Variants in COG5 observed in about 807,000 individuals in gnomAD.
The protein encoded by COG5 is conserved oligomeric Golgi complex subunit 5.
COG5 carries 86 observed loss-of-function variants against 110.4 expected under a neutral mutation model. The ratio of observed to expected loss-of-function variants is 0.78; its 90% CI spans 0.65 to 0.93. The LOEUF is 0.93. Ranked by LOEUF, COG5 falls within the 40% of genes least tolerant of loss-of-function variation. The pLI is 0.00. For missense variants in COG5, 1,077 were observed against 987.0 expected (o/e 1.09, Z -1.22); for synonymous variants, 360 against 334.6 (o/e 1.08, Z -0.83).
chr7:107,246,187 T>G (rs1047019840), intron 17 of COG5, among the ~76,000 whole-genome samples: 1 of 152,206 alleles, frequency 6.6e-6, no homozygotes, highest in African/African-American at 2.4e-5. Flanking sequence ...ACTGGACCCC[T>G]TCCTTACACC....
Position 107,362,039 on chromosome 7 carries a change from T to A in COG5, c.1020A>T (p.Ile340=), listed in dbSNP as rs1169734629. 1 of 1,595,750 alleles carries A rather than the reference T, an allele frequency of 6.3e-7. No individual in the cohort carries two copies. Among genetic ancestry groups the A allele is most frequent in the African/African-American group, 1.3e-5 (1 of 74,742 alleles). The change falls in exon 10 of 22, where the codon ATA becomes ATT. Residue 340 remains isoleucine (I), a synonymous_variant. Coordinates refer to ENST00000297135, the MANE Select transcript of COG5 (RefSeq NM_006348.5). ...PVSHICFIEE[I]VKDGQPEIFY... is the part of the protein sequence containing the mutation. Reference sequence around the variant, plus strand: ...TATTTTCCTTTAAACATACCTTAACTATTTCTTCAATGAAACAAATGTGAG... The same window carrying A: ...TATTTTCCTTTAAACATACCTTAACAATTTCTTCAATGAAACAAATGTGAG...
At chr7:107,531,484 T>A (rs1407695592) in intron 5 of COG5, among the ~76,000 whole-genome samples, 1 of 152,104 alleles carries the variant, frequency 6.6e-6, no homozygotes, top group Non-Finnish European at 1.5e-5. Context: ...AATTTCTCTA[T>A]AAAAATAAAC....
intron 11 of COG5, among the ~76,000 whole-genome samples, chr7:107,311,779 A>C (rs974841447): frequency 4.9e-4 from 74 of 151,812 alleles, no homozygotes; most frequent in African/African-American, 1.5e-3. Flanking sequence ...CCTTACCTTT[A>C]GTGTTAATTA....
At chr7:107,517,605 G>T (rs1800018348) in intron 6 of COG5, among the ~76,000 whole-genome samples, 1 of 152,018 alleles carries the variant, frequency 6.6e-6, no homozygotes, top group African/African-American at 2.4e-5. Context: ...AAAAAGGTCA[G>T]GTCACCTAGA....
chr7:107,270,696 A>G (rs1278566008), intron 14 of COG5, among the ~76,000 whole-genome samples: 7 of 152,122 alleles, frequency 4.6e-5, no homozygotes, highest in Non-Finnish European at 8.8e-5. Flanking sequence ...TACTACATTT[A>G]GTTTCGGTAA....
chr7:107,279,671 T>C (rs1805010096), intron 14 of COG5, among the ~76,000 whole-genome samples: 1 of 152,118 alleles, frequency 6.6e-6, no homozygotes, highest in South Asian at 2.1e-4. Context: ...ATAAGGCATA[T>C]GATGTTTTTT....
chr7:107,244,625 A>G (rs1430737425), intron 17 of COG5, among the ~76,000 whole-genome samples: 1 of 152,114 alleles, frequency 6.6e-6, no homozygotes, highest in Non-Finnish European at 1.5e-5. Context: ...AGACATGAGG[A>G]AGAAAATGTT....
intron 6 of COG5, among the ~76,000 whole-genome samples, chr7:107,443,705 A>G (rs113800008): frequency 0.016 from 2,461 of 152,206 alleles, 67 homozygotes; most frequent in African/African-American, 0.057. Context: ...TTTATGGTGG[A>G]CTCAATCTCT....
intron 6 of COG5, among the ~76,000 whole-genome samples, chr7:107,466,665 G>A (rs1179489796): frequency 6.6e-6 from 1 of 152,168 alleles, no homozygotes; most frequent in African/African-American, 2.4e-5. Context: ...TAAAGTATTT[G>A]TTGTGAAAGA....
At chr7:107,478,391 A>G (rs1478546574) in intron 6 of COG5, among the ~76,000 whole-genome samples, 2 of 152,006 alleles carry the variant, frequency 1.3e-5, no homozygotes, top group Non-Finnish European at 2.9e-5. Context: ...TTTAACTAAA[A>G]TAACAGTAGT....
chr7:107,294,881 TTGTGTGTGTGTGTGTGTGTGTGTGTGTG>T (rs756358916), intron 12 of COG5, among the ~76,000 whole-genome samples: 4 of 94,276 alleles, frequency 4.2e-5, no homozygotes, highest in African/African-American at 4.6e-5. Context: ...ATGCCTGGAT[TTGTGTGTGTGTGTGTGTGTGTGTGTGTG>T]TGTGTGTGTG....
chr7:107,281,943 A>G (rs1171190854), intron 13 of COG5, among the ~76,000 whole-genome samples: 1 of 152,062 alleles, frequency 6.6e-6, no homozygotes, highest in Non-Finnish European at 1.5e-5. Flanking sequence ...TCGGATTCTT[A>G]AAGTATATTT....
In COG5 at chr7:107,474,483, T is replaced by C. The variant is rs765724107; in HGVS notation, c.538+52754A>G. On this transcript the variant is annotated intron_variant, in intron 6 of 21. Coordinates refer to ENST00000297135, the MANE Select transcript of COG5 (RefSeq NM_006348.5). This position sits in a 1 kb window ranked among gnomAD's most constrained non-coding sequence, Gnocchi z 5.7. Reference sequence around the variant, plus strand: ...TTTTTGCTATCACTTTGGACAGATATGACATCTCTGTAAAACCTGCAAACC... The same window carrying C: ...TTTTTGCTATCACTTTGGACAGATACGACATCTCTGTAAAACCTGCAAACC... 30 of 1,613,240 alleles carry C rather than the reference T, an allele frequency of 1.9e-5. No individual in the cohort carries two copies. Among genetic ancestry groups the C allele is most frequent in the Middle Eastern group, 1.6e-4 (1 of 6,084 alleles).
Position 107,558,936 on chromosome 7 carries a change from C to G in COG5, c.95-821G>C, listed in dbSNP as rs9640700. Among the ~76,000 whole-genome samples the G allele has an allele frequency of 1.1e-3, 42 of 37,264 alleles. 1 individual carries two copies. Among genetic ancestry groups the G allele is most frequent in the Non-Finnish European group, 2.0e-3 (33 of 16,646 alleles). 24.4% of individuals were successfully genotyped at this position (37,264 alleles called of 152,430 possible). On this transcript the variant is annotated intron_variant, in intron 1 of 21. Transcript: ENST00000297135. Reference sequence around the variant, plus strand: ...TCTCAAAAAAAAAAAAAAAAAAAAACCATAACTACTAGCTATAACTATTAA... The same window carrying G: ...TCTCAAAAAAAAAAAAAAAAAAAAAGCATAACTACTAGCTATAACTATTAA...
At chr7:107,320,546 G>A (rs1162887871) in intron 11 of COG5, among the ~76,000 whole-genome samples, 1 of 152,168 alleles carries the variant, frequency 6.6e-6, no homozygotes, top group Non-Finnish European at 1.5e-5. Flanking sequence ...TCAGTAATCA[G>A]CACAAGGAAA....
At chr7:107,209,992 T>C in intron 21 of COG5, 19 of 993,102 alleles carry the variant, frequency 1.9e-5, no homozygotes, top group Non-Finnish European at 2.0e-5. Flanking sequence ...ATGGTTGGGG[T>C]ACATGGGGGT....
At chr7:107,213,227 T>G (rs1192632053) in intron 19 of COG5, among the ~76,000 whole-genome samples, 4 of 152,100 alleles carry the variant, frequency 2.6e-5, no homozygotes, top group Non-Finnish European at 5.9e-5. Context: ...CCTAGAAAAC[T>G]AGCCTCTATG....
intron 2 of COG5, among the ~76,000 whole-genome samples, chr7:107,555,747 C>T (rs1234049658): frequency 6.6e-6 from 1 of 151,964 alleles, no homozygotes; most frequent in Non-Finnish European, 1.5e-5. Context: ...CACGGTGGCT[C>T]ACACCTGTAA....
At chr7:107,449,164 G>A (rs1264095571) in intron 6 of COG5, among the ~76,000 whole-genome samples, 1 of 152,046 alleles carries the variant, frequency 6.6e-6, no homozygotes, top group Non-Finnish European at 1.5e-5. Context: ...ATCACACACA[G>A]GGGCCTGTCA....
Sources: allele counts gnomAD v4.1 joint callset (sites outside exome capture counted in the v4.1 genomes callset), GRCh38; gene constraint gnomAD v4.1.1; non-coding constraint Gnocchi (gnomAD v3.1); transcripts MANE v1.5; gene names NCBI Gene and HGNC (gene_info 2026-07-23, HGNC 2026-07-21).